TSGA10: variants seen among roughly 807,000 people sequenced by gnomAD.
TSGA10 encodes the protein testis specific 10.
Under a neutral mutation model 96.6 loss-of-function variants are expected in TSGA10, and 43 were observed. The observed-to-expected ratio is 0.44, with a 90% CI of 0.35 to 0.57. The LOEUF (loss-of-function observed/expected upper bound fraction) is 0.57, where lower values mean the gene tolerates loss of function less well. Ranked by LOEUF, TSGA10 falls within the 20% of genes least tolerant of loss-of-function variation. TSGA10 has a pLI of 0.01. For synonymous variants in TSGA10, 229 were observed against 269.9 expected, an observed-to-expected ratio of 0.85 and a Z score of 1.48; for missense variants, 703 against 834.4, an observed-to-expected ratio of 0.84 and a Z score of 1.94.
rs141908790 is a variant in TSGA10 at position 99,029,221 on chromosome 2, A to G, written c.1614+6009T>C. ...TGAGATTCTCCAAAGCACTTCTCAT[A>G]TTATGCCTAAGGAAATCACCCATAA... On this transcript the variant is annotated intron_variant, in intron 17 of 20. Transcript: ENST00000393483. 3.6e-3 allele frequency among the ~76,000 whole-genome samples: 542 copies of G among 152,278 alleles called. 2 individuals carry two copies. Among genetic ancestry groups the G allele is most frequent in the Admixed American group, 6.3e-3 (97 of 15,288 alleles).
chr2:99,141,298 T>C (rs1476654149), intron 1 of TSGA10: 1 of 470,940 alleles, frequency 2.1e-6, no homozygotes, highest in Non-Finnish European at 3.2e-6. Flanking sequence ...GAGGGGGCGG[T>C]TAGCGCCAGC....
At chr2:99,035,118 G>T in intron 17 of TSGA10, 112 bp downstream of exon 17, 2 of 763,448 alleles carry the variant, frequency 2.6e-6, no homozygotes, top group Non-Finnish European at 4.1e-6. Context: ...TAAAATCTAA[G>T]TTCAAAGACA....
chr2:99,007,210 G>T (rs2078573929), intron 20 of TSGA10, among the ~76,000 whole-genome samples: 1 of 152,088 alleles, frequency 6.6e-6, no homozygotes, highest in Non-Finnish European at 1.5e-5. Context: ...GTTAATGGGT[G>T]CAGCACAGCA....
chr2:99,085,111 G>C (rs2088087899), intron 10 of TSGA10, among the ~76,000 whole-genome samples: 1 of 151,962 alleles, frequency 6.6e-6, no homozygotes, highest in South Asian at 2.1e-4. Context: ...GCCGGGCACA[G>C]TGGCATGCAC....
chr2:99,090,541 G>A (rs979384749), intron 10 of TSGA10, among the ~76,000 whole-genome samples: 33 of 151,958 alleles, frequency 2.2e-4, no homozygotes, highest in Non-Finnish European at 4.4e-5. Context: ...CAAGATATGA[G>A]GGAAGAAATC....
chr2:99,029,542 T>C (rs2080951222), intron 17 of TSGA10, among the ~76,000 whole-genome samples: 1 of 152,220 alleles, frequency 6.6e-6, no homozygotes. Context: ...ACTTCTCTTT[T>C]CTTATTTAAA....
intron 20 of TSGA10, among the ~76,000 whole-genome samples, chr2:99,002,448 C>A (rs929380108): frequency 1.3e-4 from 20 of 152,166 alleles, no homozygotes; most frequent in Non-Finnish European, 7.3e-5. Context: ...GAGATGTTGT[C>A]ACCACCAGGC....
intron 16 of TSGA10, among the ~76,000 whole-genome samples, chr2:99,047,883 G>A (rs4481042): frequency 6.6e-6 from 1 of 151,988 alleles, no homozygotes; most frequent in Non-Finnish European, 1.5e-5. Flanking sequence ...TCTCAGGATA[G>A]AAAATCAATG....
At chr2:99,149,512 G>A (rs1422844968) in intron 1 of TSGA10, among the ~76,000 whole-genome samples, 1 of 147,566 alleles carries the variant, frequency 6.8e-6, no homozygotes, top group Non-Finnish European at 1.5e-5. Flanking sequence ...GCGCGATCTC[G>A]GCTCACTGCA....
chr2:99,123,795 G>A (rs1458981613), intron 2 of TSGA10, among the ~76,000 whole-genome samples: 1 of 152,126 alleles, frequency 6.6e-6, no homozygotes, highest in Non-Finnish European at 1.5e-5. Flanking sequence ...CATTCATTTT[G>A]CAGCATGTAT....
intron 20 of TSGA10, among the ~76,000 whole-genome samples, chr2:99,009,734 T>C (rs1298307078): frequency 1.3e-5 from 2 of 152,160 alleles, no homozygotes; most frequent in African/African-American, 4.8e-5. Flanking sequence ...GTTCTCACTG[T>C]AGAAGAAAGA....
intron 11 of TSGA10, among the ~76,000 whole-genome samples, chr2:99,080,174 C>T (rs2087269748): frequency 6.6e-6 from 1 of 152,182 alleles, no homozygotes; most frequent in Admixed American, 6.6e-5. Context: ...TATTCCTCAA[C>T]CCACTCTATC....
chr2:99,102,873 C>T, intron 10 of TSGA10: 1 of 726,700 alleles, frequency 1.4e-6, no homozygotes, highest in East Asian at 2.6e-5. Flanking sequence ...CATCATAGTC[C>T]TTTTATATTT....
At chr2:99,005,948 T>C (rs1232344628) in intron 20 of TSGA10, among the ~76,000 whole-genome samples, 2 of 152,118 alleles carry the variant, frequency 1.3e-5, no homozygotes, top group East Asian at 3.9e-4. Context: ...AACAGAGATA[T>C]AGATCAATGG....
At chr2:99,097,037 T>C (rs1177681213) in intron 10 of TSGA10, among the ~76,000 whole-genome samples, 1 of 152,084 alleles carries the variant, frequency 6.6e-6, no homozygotes, top group Non-Finnish European at 1.5e-5. Flanking sequence ...AAAATTTACC[T>C]ATGGTAATAA....
At chr2:99,124,526 T>G (rs2092727049) in intron 2 of TSGA10, among the ~76,000 whole-genome samples, 1 of 152,186 alleles carries the variant, frequency 6.6e-6, no homozygotes, top group Non-Finnish European at 1.5e-5. Context: ...CCTCTATTAT[T>G]TACATTTTGT....
At chr2:98,999,794 G>A (rs543900883) in intron 20 of TSGA10, among the ~76,000 whole-genome samples, 21 of 152,208 alleles carry the variant, frequency 1.4e-4, no homozygotes, top group African/African-American at 4.8e-4. Context: ...TGTTGCCCAG[G>A]CTAGAATGCA....
chr2:99,111,788 A>C (rs2091844643), intron 4 of TSGA10, among the ~76,000 whole-genome samples: 1 of 152,144 alleles, frequency 6.6e-6, no homozygotes. Flanking sequence ...CAATGTTTTA[A>C]TGTATACTAC....
chr2:99,082,681 T>A (rs888246955), intron 10 of TSGA10, among the ~76,000 whole-genome samples: 1 of 151,778 alleles, frequency 6.6e-6, no homozygotes, highest in Non-Finnish European at 1.5e-5. Flanking sequence ...TGGAAAAGGA[T>A]CTCATAATTC....
Sources: gnomAD v4.1 joint callset for allele counts (sites outside exome capture counted in the v4.1 genomes callset) on GRCh38, gnomAD v4.1.1 for gene constraint, MANE v1.5 for transcripts, NCBI Gene and HGNC (gene_info 2026-07-23, HGNC 2026-07-21) for gene names.